ALDH1L2: variants seen among roughly 807,000 people sequenced by gnomAD.
ALDH1L2 encodes the protein aldehyde dehydrogenase 1 family member L2.
ALDH1L2 carries 91 observed loss-of-function variants against 111.0 expected under a neutral mutation model. That is an observed-to-expected ratio of 0.82 (90% CI 0.69 to 0.98). ALDH1L2 has a LOEUF of 0.98. ALDH1L2 is among the 50% of genes least tolerant of loss of function. The pLI is 0.00. For synonymous variants in ALDH1L2, 374 were observed against 392.6 expected, an observed-to-expected ratio of 0.95 and a Z score of 0.56; for missense variants, 995 against 1,126.8, an observed-to-expected ratio of 0.88 and a Z score of 1.67.
At chr12:105,082,551 AGTAGAATTCCATT>A (rs1878379548) in intron 1 of ALDH1L2, among the ~76,000 whole-genome samples, 1 of 152,192 alleles carries the variant, frequency 6.6e-6, no homozygotes, top group African/African-American at 2.4e-5. Context: ...CCCCCAACTG[AGTAGAATTCCATT>A]GTATGGATGG....
chr12:105,077,441 T>C (rs887278968), intron 1 of ALDH1L2, among the ~76,000 whole-genome samples: 1 of 151,894 alleles, frequency 6.6e-6, no homozygotes, highest in African/African-American at 2.4e-5. Context: ...CAGCTAATTT[T>C]TTTTTTTTTT....
chr12:105,030,832 GTATT>G (rs1264258629), intron 20 of ALDH1L2, among the ~76,000 whole-genome samples: 1 of 152,114 alleles, frequency 6.6e-6, no homozygotes, highest in Admixed American at 6.6e-5. Context: ...AAATTAGTAA[GTATT>G]CTTTATTCAG....
chr12:105,043,374 A>G (rs956543837), intron 15 of ALDH1L2, among the ~76,000 whole-genome samples: 2 of 152,258 alleles, frequency 1.3e-5, no homozygotes, highest in Non-Finnish European at 2.9e-5. Context: ...CAAACAAGAA[A>G]GAGGCAGGGC....
rs760046821 is a variant in ALDH1L2, at chr12:105,065,310, C to T, written c.743G>A (p.Gly248Asp). Residue 248 changes from glycine to aspartate, a missense_variant, in exon 6 of 23, where the codon GGT becomes GAT. Coordinates refer to ENST00000258494, the MANE Select transcript of ALDH1L2 (RefSeq NM_001034173.4). ...CCAAGCTCCAGGGACTTTATCATGA[C>T]CTCGAATCCAGTTATGTAAAACTTC... ...SAEVLHNWIRGHDKVPGAWTE... is the reference protein window; with the variant it reads ...SAEVLHNWIRDHDKVPGAWTE... The T allele has an allele frequency of 5.0e-6, 8 of 1,610,656 alleles. No individual in the cohort carries two copies. Among genetic ancestry groups the T allele is most frequent in the Non-Finnish European group, 5.9e-6 (7 of 1,177,518 alleles).
chr12:105,039,822 A>G lies in ALDH1L2; in HGVS notation c.1952-16T>C, dbSNP rs780445779. The G allele has an allele frequency of 6.4e-5, 103 of 1,612,346 alleles. No individual in the cohort carries two copies. In the South Asian group the frequency reaches 1.1e-3, roughly 17 times the overall value. On this transcript the variant is annotated splice_polypyrimidine_tract_variant and intron_variant, in intron 16 of 22. Transcript: ENST00000258494. The stretch of plus-strand genomic sequence containing the variant: ...GCTATGCCACCTGTAGAATTAGGGA[A>G]TAAAACGGGAATTAAAACATACTCA...
intron 1 of ALDH1L2, among the ~76,000 whole-genome samples, chr12:105,074,456 TC>T (rs780834769): frequency 0.045 from 2,897 of 64,942 alleles, 808 homozygotes; most frequent in African/African-American, 0.11. Context: ...AGACTCTGTC[TC>T]CAAAAAAAAA....
Position 105,022,199 on chromosome 12 carries a change from A to T in ALDH1L2, c.*2225T>A, listed in dbSNP as rs1874197604. On this transcript the variant is annotated 3_prime_UTR_variant, in exon 23 of 23. Transcript: ENST00000258494. ...AGAGCCTTTGATTCTGATCAGCCAGATCTAAAAATGTAAGCTGGTAAGAAA... is the reference window on the plus strand; with the variant it reads ...AGAGCCTTTGATTCTGATCAGCCAGTTCTAAAAATGTAAGCTGGTAAGAAA... 6.6e-6 allele frequency: 1 copy of T among 152,216 alleles called. No individual in the cohort carries two copies. Among genetic ancestry groups the T allele is most frequent in the South Asian group, 2.1e-4 (1 of 4,832 alleles). 9.4% of individuals were successfully genotyped at this position (152,216 alleles called of 1,614,324 possible). A position where few individuals can be genotyped will look rare whatever the true frequency, so the allele number is the denominator to read the frequency against.
At chr12:105,047,133 G>GT (rs1324005572) in intron 13 of ALDH1L2, among the ~76,000 whole-genome samples, 164 bp from the exon 14 acceptor site, 2 of 152,126 alleles carry the variant, frequency 1.3e-5, no homozygotes, top group Non-Finnish European at 2.9e-5. Flanking sequence ...ACAGCTATTT[G>GT]TTTCTCAAGA....
At chr12:105,064,387 G>A (rs560516020) in intron 6 of ALDH1L2, among the ~76,000 whole-genome samples, 12 of 152,094 alleles carry the variant, frequency 7.9e-5, no homozygotes, top group South Asian at 2.1e-4. Flanking sequence ...AAACCTGCCC[G>A]AGGTTACACA....
chr12:105,045,325 T>C (rs1234199892), intron 15 of ALDH1L2, among the ~76,000 whole-genome samples: 1 of 152,182 alleles, frequency 6.6e-6, no homozygotes, highest in Non-Finnish European at 1.5e-5. Flanking sequence ...CCTCAAGTGA[T>C]CCACCCGCCT....
At chr12:105,079,500 G>A (rs1878232628) in intron 1 of ALDH1L2, among the ~76,000 whole-genome samples, 1 of 152,146 alleles carries the variant, frequency 6.6e-6, no homozygotes, top group Admixed American at 6.6e-5. Context: ...AGAGGGGGAT[G>A]CCCAGGACTC....
At chr12:105,034,891 G>A (rs1874901015) in intron 18 of ALDH1L2, among the ~76,000 whole-genome samples, 1 of 152,096 alleles carries the variant, frequency 6.6e-6, no homozygotes, top group East Asian at 1.9e-4. Flanking sequence ...GGCTGAGGCA[G>A]GAGAATCAAT....
In ALDH1L2 at chr12:105,084,384, C is replaced by A; in HGVS notation, c.48+5G>T. The A allele has an allele frequency of 1.3e-6, 2 of 1,504,090 alleles. 1 individual carries two copies. The highest frequency in any genetic ancestry group is 2.5e-5 in the South Asian group (2 of 81,036). 93.2% of individuals were successfully genotyped at this position (1,504,090 alleles called of 1,614,324 possible). A position where few individuals can be genotyped will look rare whatever the true frequency, so the allele number is the denominator to read the frequency against. ...AGCCGGGACGCTCGCCCGGGCCGGA[C>A]TCACCCGGCCAGTGGAGAAGCGCCG... On this transcript the variant is annotated splice_donor_5th_base_variant and intron_variant, in intron 1 of 22. Transcript: ENST00000258494.
rs148465362 is a variant in ALDH1L2, at chr12:105,061,871, A to G, written c.922-119T>C. ...TAAGGGCAAGTTTATTTGGAAAAAT[A>G]CAGATTAAAAGCATTCACCATTATG... On this transcript the variant is annotated intron_variant, in intron 7 of 22. Transcript: ENST00000258494. 1,097 of 1,243,466 alleles carry G rather than the reference A, an allele frequency of 8.8e-4. 10 individuals are homozygous for G. The African/African-American group carries it at 0.016, about 18-fold the overall frequency. 77.0% of individuals were successfully genotyped at this position (1,243,466 alleles called of 1,614,324 possible). A position where few individuals can be genotyped will look rare whatever the true frequency, so the allele number is the denominator to read the frequency against.
intron 17 of ALDH1L2, 58 bp from the exon 18 acceptor site, chr12:105,038,260 TCACA>T (rs1239712006): frequency 1.7e-5 from 10 of 584,168 alleles, no homozygotes; most frequent in Admixed American, 5.2e-5. Flanking sequence ...TCTCTCTCTC[TCACA>T]CACACACACA....
At chr12:105,063,382 A>C (rs972132748) in intron 6 of ALDH1L2, among the ~76,000 whole-genome samples, 2 of 152,080 alleles carry the variant, frequency 1.3e-5, no homozygotes, top group Non-Finnish European at 2.9e-5. Context: ...AGGCTGAGGC[A>C]GGAGAATGGC....
chr12:105,027,863 C>T (rs1374028976), intron 21 of ALDH1L2, among the ~76,000 whole-genome samples: 1 of 152,154 alleles, frequency 6.6e-6, no homozygotes, highest in Non-Finnish European at 1.5e-5. Flanking sequence ...TATGGTGTTG[C>T]ATCGTCAAAT....
In ALDH1L2 at chr12:105,052,130, C is replaced by T; in HGVS notation, c.1495G>A (p.Gly499Arg). The part of the protein sequence containing the change: ...AKDAFENGEW[G>R]RMNARERGRL... ...CCTCTTTCTCTTGCATTCATTCTTC[C>T]CCATTCACCGTTTTCAAAAGCATCT... The change falls in exon 12 of 23, where the codon GGA (glycine) becomes AGA (arginine). Residue 499 changes from glycine to arginine, a missense_variant. Coordinates refer to ENST00000258494, the MANE Select transcript of ALDH1L2 (RefSeq NM_001034173.4). 6.2e-7 allele frequency: 1 copy of T among 1,611,242 alleles called. No individual in the cohort carries two copies.
intron 13 of ALDH1L2, 36 bp downstream of exon 13, chr12:105,049,872 C>A: frequency 6.3e-7 from 1 of 1,584,368 alleles, no homozygotes; most frequent in South Asian, 1.2e-5. Context: ...AATGTTAGTC[C>A]CTTTTTCTTT....
Sources: allele counts gnomAD v4.1 joint callset (sites outside exome capture counted in the v4.1 genomes callset), GRCh38; gene constraint gnomAD v4.1.1; transcripts MANE v1.5; gene names NCBI Gene and HGNC (gene_info 2026-07-23, HGNC 2026-07-21).